The following DCLK1 variants were observed in gnomAD, a reference collection of about 807,000 sequenced individuals.
DCLK1 encodes serine/threonine-protein kinase DCLK1.
A neutral mutation model predicts 86.2 loss-of-function variants in DCLK1; 16 were observed. The observed-to-expected ratio is 0.19, with a 90% CI of 0.13 to 0.28. The LOEUF (loss-of-function observed/expected upper bound fraction) is 0.28. Ranked by LOEUF, DCLK1 falls within the 10% of genes least tolerant of loss-of-function variation. The probability of loss-of-function intolerance (pLI) is 1.00; values close to 1 mark genes in which losing one functional copy is unlikely to be tolerated. For synonymous variants in DCLK1, 369 were observed against 370.5 expected (o/e 1.00, Z 0.05); for missense variants, 590 against 940.2 (o/e 0.63, Z 4.87).
chr13:36,052,035 G>A (rs1425701695), intron 3 of DCLK1, among the ~76,000 whole-genome samples: 1 of 152,128 alleles, frequency 6.6e-6, no homozygotes, highest in African/African-American at 2.4e-5. Context: ...AGGTGATTTG[G>A]AATACAACTC....
intron 10 of DCLK1, among the ~76,000 whole-genome samples, chr13:35,827,379 A>G (rs9531097): frequency 0.53 from 80,521 of 152,006 alleles, 22,219 homozygotes; most frequent in Non-Finnish European, 0.61. Context: ...CATTAAGCAG[A>G]TATTATTAAT....
intron 3 of DCLK1, among the ~76,000 whole-genome samples, chr13:36,107,481 A>G (rs1265231054): frequency 6.6e-6 from 1 of 152,032 alleles, no homozygotes; most frequent in Non-Finnish European, 1.5e-5. Context: ...ATAAAAATAT[A>G]ACATCTCTGG....
At chr13:35,865,678 G>C (rs1871740447) in intron 5 of DCLK1, among the ~76,000 whole-genome samples, 1 of 152,146 alleles carries the variant, frequency 6.6e-6, no homozygotes, top group African/African-American at 2.4e-5. Context: ...ACACTAGTTG[G>C]TCTGTAACTG....
At chr13:35,811,347 AG>A in intron 11 of DCLK1, among the ~76,000 whole-genome samples, 1 of 152,046 alleles carries the variant, frequency 6.6e-6, no homozygotes, top group African/African-American at 2.4e-5. Flanking sequence ...CAAAAAAAAA[AG>A]AAAAAGTCTG....
At chr13:35,967,166 G>A (rs1311141690) in intron 3 of DCLK1, among the ~76,000 whole-genome samples, 25 of 151,814 alleles carry the variant, frequency 1.6e-4, no homozygotes, top group African/African-American at 5.6e-4. Context: ...ACCCCGACTG[G>A]GAGGTGAGGA....
At chr13:35,824,786 C>T (rs561413136) in intron 10 of DCLK1, among the ~76,000 whole-genome samples, 8 of 152,198 alleles carry the variant, frequency 5.3e-5, no homozygotes, top group Admixed American at 2.6e-4. Context: ...CTGCCCCAAC[C>T]TTCATTCCAC....
intron 6 of DCLK1, among the ~76,000 whole-genome samples, chr13:35,852,522 A>C (rs960043540): frequency 6.6e-6 from 1 of 152,196 alleles, no homozygotes; most frequent in Admixed American, 6.5e-5. Flanking sequence ...AACAAATGGG[A>C]TTGTTTTTTT....
intron 10 of DCLK1, among the ~76,000 whole-genome samples, chr13:35,826,697 A>AT: frequency 6.6e-6 from 1 of 152,148 alleles, no homozygotes; most frequent in Admixed American, 6.5e-5. Flanking sequence ...TAGAATGAAC[A>AT]TTTTTCATAT....
chr13:36,075,535 C>T (rs1399446985), intron 3 of DCLK1, among the ~76,000 whole-genome samples: 1 of 152,142 alleles, frequency 6.6e-6, no homozygotes, highest in Non-Finnish European at 1.5e-5. Context: ...AAGTAAAGAA[C>T]TATTTCTATG....
chr13:35,880,813 T>G (rs1453479248), intron 4 of DCLK1, among the ~76,000 whole-genome samples: 1 of 152,136 alleles, frequency 6.6e-6, no homozygotes, highest in Non-Finnish European at 1.5e-5. Flanking sequence ...ATCTTGACCT[T>G]TTTGAAAGTA....
At chr13:35,823,000 C>T in intron 10 of DCLK1, 125 bp from the exon 11 acceptor site, 1 of 1,138,570 alleles carries the variant, frequency 8.8e-7, no homozygotes, top group Non-Finnish European at 1.2e-6. Context: ...TTCCTAAAGG[C>T]TTTTCCTGCT....
At chr13:35,849,914 T>C (rs1870487343) in intron 6 of DCLK1, 1 of 958,288 alleles carries the variant, frequency 1.0e-6, no homozygotes, top group Non-Finnish European at 1.2e-6. Flanking sequence ...TAAAAAATTA[T>C]GTATATGATT....
rs1423128195 is a variant in DCLK1, at chr13:36,111,972, T to C, written c.620A>G (p.Lys207Arg). Residue 207 changes from lysine to arginine, a missense_variant, in exon 3 of 17, where the codon AAG becomes AGG. By Grantham distance (26) the Lys-to-Arg change is conservative. Around this residue, in one of 6 missense-constraint regions of DCLK1, gnomAD observed 195 missense variants for 365.1 expected, o/e 0.53. Transcript: ENST00000360631. ...PRKAVRILLN[K>R]KTAHSFEQVL... ...CTGCTCAAAGGAATGAGCCGTTTTC[T>C]TGTTCAGCAGAATCCTGACAGCTTT... 3.1e-6 allele frequency: 5 copies of C among 1,614,252 alleles called. No individual in the cohort carries two copies. The highest frequency in any genetic ancestry group is 3.4e-6 in the Non-Finnish European group (4 of 1,180,046).
intron 4 of DCLK1, among the ~76,000 whole-genome samples, chr13:35,916,606 C>G (rs908188520): frequency 1.3e-4 from 20 of 152,150 alleles, no homozygotes; most frequent in Non-Finnish European, 4.4e-5. Context: ...ATTTCCCTCT[C>G]TCTTTCTCCT....
At chr13:35,991,266 A>G (rs1880206657) in intron 3 of DCLK1, among the ~76,000 whole-genome samples, 1 of 152,140 alleles carries the variant, frequency 6.6e-6, no homozygotes, top group Non-Finnish European at 1.5e-5. Context: ...TTATCCAATC[A>G]TACGTCTCCA....
intron 16 of DCLK1, among the ~76,000 whole-genome samples, chr13:35,778,004 T>A (rs995588712): frequency 2.6e-5 from 4 of 152,252 alleles, no homozygotes; most frequent in African/African-American, 9.6e-5. Context: ...TTGGACATCG[T>A]CTCTGTGTTT....
chr13:35,849,537 A>T, intron 6 of DCLK1: 1 of 979,762 alleles, frequency 1.0e-6, no homozygotes, highest in Non-Finnish European at 1.2e-6. Flanking sequence ...AATAGACCAT[A>T]CACATTAAAT....
intron 15 of DCLK1, among the ~76,000 whole-genome samples, chr13:35,794,658 C>T (rs1375872817): frequency 6.6e-6 from 1 of 152,204 alleles, no homozygotes; most frequent in Non-Finnish European, 1.5e-5. Flanking sequence ...AGGCATGGGC[C>T]CTGCTCTCCT....
chr13:35,828,136 T>G (rs2153106179), intron 9 of DCLK1, 114 bp downstream of exon 9: 1 of 831,524 alleles, frequency 1.2e-6, no homozygotes, highest in East Asian at 2.4e-5. Context: ...TATAACATTC[T>G]ATTCCACCAA....
Sources: allele counts gnomAD v4.1 joint callset (sites outside exome capture counted in the v4.1 genomes callset), GRCh38; gene constraint gnomAD v4.1.1; regional missense constraint gnomAD v4.1.1; transcripts MANE v1.5; gene names NCBI Gene and HGNC (gene_info 2026-07-23, HGNC 2026-07-21).